CRYBB3: variants seen among roughly 807,000 people sequenced by gnomAD.
CRYBB3 encodes crystallin beta B3, also known as beta-crystallin B3.
CRYBB3 carries 35 observed loss-of-function variants against 28.3 expected under a neutral mutation model. That is an observed-to-expected ratio of 1.24 (90% CI 0.95 to 1.64). The LOEUF (loss-of-function observed/expected upper bound fraction) is 1.64, where lower values mean the gene tolerates loss of function less well. Among genes scored for constraint, CRYBB3 ranks in the 40% most tolerant of loss-of-function variants. The pLI, the probability that CRYBB3 is intolerant of heterozygous loss-of-function variation, is 0.00. For synonymous variants in CRYBB3, 106 were observed against 110.4 expected, an observed-to-expected ratio of 0.96 and a Z score of 0.25; for missense variants, 296 against 297.4, an observed-to-expected ratio of 1.00 and a Z score of 0.04.
At chr22:25,205,752 C>T (rs1392346866) in intron 5 of CRYBB3, among the ~76,000 whole-genome samples, 2 of 152,146 alleles carry the variant, frequency 1.3e-5, no homozygotes, top group East Asian at 1.9e-4. Context: ...AGCCACGGCG[C>T]CCGGCCATCG....
At chr22:25,203,633 G>A (rs1934983511) in intron 3 of CRYBB3, 130 bp from the exon 4 acceptor site, 8 of 1,011,016 alleles carry the variant, frequency 7.9e-6, no homozygotes, top group Non-Finnish European at 1.2e-5. Context: ...ACAGGTCCAG[G>A]AATTAGCAGT....
rs1201272266 is a variant in CRYBB3, at chr22:25,202,539, G to A, written c.76-135G>A. On this transcript the variant is annotated intron_variant, in intron 2 of 5. Transcript: ENST00000215855. ...CCATGACCATTAGAGGGCAGTGCAGGCCCACCTCAGTGCCAGCTCCAGGCT... is the reference window on the plus strand; with the variant it reads ...CCATGACCATTAGAGGGCAGTGCAGACCCACCTCAGTGCCAGCTCCAGGCT... The A allele has an allele frequency of 2.6e-6, 4 of 1,553,020 alleles. No individual in the cohort carries two copies. The African/African-American group carries it at 4.1e-5, about 16-fold the overall frequency.
chr22:25,204,358 C>G (rs965306735), intron 4 of CRYBB3, among the ~76,000 whole-genome samples: 2 of 152,184 alleles, frequency 1.3e-5, no homozygotes, highest in African/African-American at 4.8e-5. Context: ...GACTCCTGCT[C>G]TGTCACCCAT....
At chr22:25,205,085 C>A (rs1935007971) in intron 4 of CRYBB3, 135 bp from the exon 5 acceptor site, 3 of 1,158,390 alleles carry the variant, frequency 2.6e-6, no homozygotes, top group African/African-American at 3.0e-5. Context: ...TCTCCTGAGG[C>A]CCTTCCCTCC....
At chr22:25,202,467 A>G (rs1934964244) in intron 2 of CRYBB3, among the ~76,000 whole-genome samples, 1 of 152,168 alleles carries the variant, frequency 6.6e-6, no homozygotes, top group East Asian at 1.9e-4. Flanking sequence ...CAGAGTTGCA[A>G]TCACTAGTTT....
At position 25,201,236 on chromosome 22, in the gene CRYBB3, GCTGAATGA is replaced by G. The variant is rs1281287207; in HGVS notation, c.-20-133_-20-126del. The G allele has an allele frequency of 7.4e-6, 11 of 1,481,504 alleles. No individual in the cohort carries two copies. The East Asian group carries it at 2.7e-4, about 36-fold the overall frequency. 91.8% of individuals were successfully genotyped at this position (1,481,504 alleles called of 1,614,324 possible). On this transcript the variant is annotated intron_variant, in intron 1 of 5. Coordinates refer to ENST00000215855, the MANE Select transcript of CRYBB3 (RefSeq NM_004076.5). ...CATGGCAGGTGCTCAATGGATGTTTGCTGAATGACTGAATGTCGATCATAAGTTACAGC... is the reference window on the plus strand; with the variant it reads ...CATGGCAGGTGCTCAATGGATGTTTGCTGAATGTCGATCATAAGTTACAGC...
chr22:25,203,245 C>T (rs754454772), intron 3 of CRYBB3, among the ~76,000 whole-genome samples: 9 of 152,126 alleles, frequency 5.9e-5, no homozygotes, highest in Non-Finnish European at 8.8e-5. Context: ...CCTGAATTCC[C>T]GCCTTTGGAT....
intron 3 of CRYBB3, among the ~76,000 whole-genome samples, chr22:25,203,099 C>T (rs1339986775): frequency 6.6e-6 from 1 of 152,176 alleles, no homozygotes; most frequent in African/African-American, 2.4e-5. Context: ...ATTTAACATG[C>T]ATTATGTCAT....
chr22:25,205,432 G>C, intron 5 of CRYBB3, 70 bp downstream of exon 5: 1 of 1,518,672 alleles, frequency 6.6e-7, no homozygotes. Flanking sequence ...AACAGAATCA[G>C]TGCCCATAGT....
rs1935050484 is a variant in CRYBB3 at position 25,207,165 on chromosome 22, A to T, written c.589A>T (p.Ile197Phe). The change falls in exon 6 of 6, where the codon ATC becomes TTC. Residue 197 changes from isoleucine to phenylalanine, a missense_variant. Ile to Phe is a conservative substitution (Grantham distance 21, BLOSUM62 0). Transcript: ENST00000215855. Reference sequence around the variant, plus strand: ...GCCGCAGCTGCAGTCTGTGCGCCGCATCCGTGACCAGAAGTGGCACAAGCG... The same window carrying T: ...GCCGCAGCTGCAGTCTGTGCGCCGCTTCCGTGACCAGAAGTGGCACAAGCG... ...SQPQLQSVRRIRDQKWHKRGR... is the reference protein window; with the variant it reads ...SQPQLQSVRRFRDQKWHKRGR... 1.2e-6 allele frequency: 2 copies of T among 1,613,630 alleles called. No homozygotes were observed. The highest frequency in any genetic ancestry group is 2.2e-5 in the East Asian group (1 of 44,872).
At chr22:25,203,920 T>C (rs1284305109) in intron 4 of CRYBB3, 25 bp downstream of exon 4, 32 of 1,613,836 alleles carry the variant, frequency 2.0e-5, no homozygotes, top group Non-Finnish European at 2.6e-5. Flanking sequence ...TGCTCACTTC[T>C]GGGTGTTCCT....
rs1046836157 is a variant in CRYBB3, at chr22:25,205,306, C to A, written c.414C>A (p.Ser138Arg). 6.2e-7 allele frequency: 1 copy of A among 1,614,138 alleles called. No homozygotes were observed. Among genetic ancestry groups the A allele is most frequent in the Non-Finnish European group, 8.5e-7 (1 of 1,180,030 alleles). ...KMEIVDDDVP[S>R]LWAHGFQDRV... The stretch of plus-strand genomic sequence containing the variant: ...AGATAGTGGATGATGACGTGCCCAG[C>A]CTGTGGGCTCATGGCTTCCAGGACC... The change falls in exon 5 of 6, where the codon AGC becomes AGA. Residue 138 changes from serine (S) to arginine (R), a missense_variant. Ser to Arg is a moderately radical substitution (Grantham distance 110). Transcript: ENST00000215855.
intron 4 of CRYBB3, 95 bp downstream of exon 4, chr22:25,203,990 T>C: frequency 6.6e-7 from 1 of 1,509,934 alleles, no homozygotes; most frequent in South Asian, 1.1e-5. Flanking sequence ...GGCTGAGGGT[T>C]TGGCCCATAT....
At chr22:25,203,232 G>A (rs1934978124) in intron 3 of CRYBB3, among the ~76,000 whole-genome samples, 1 of 152,096 alleles carries the variant, frequency 6.6e-6, no homozygotes, top group Non-Finnish European at 1.5e-5. Context: ...CTCCCAGCTG[G>A]GCCCTGAATT....
intron 4 of CRYBB3, 51 bp downstream of exon 4, chr22:25,203,946 T>G (rs1934990385): frequency 1.2e-6 from 2 of 1,612,372 alleles, no homozygotes; most frequent in African/African-American, 2.7e-5. Flanking sequence ...CAGGGTGCAC[T>G]GAGAGCTGGT....
At chr22:25,200,957 A>G (rs933199037) in intron 1 of CRYBB3, among the ~76,000 whole-genome samples, 2 of 152,088 alleles carry the variant, frequency 1.3e-5, no homozygotes, top group African/African-American at 4.8e-5. Context: ...GGTGGGAGAG[A>G]CCCCTGTAGA....
At chr22:25,205,156 G>A (rs891778087) in intron 4 of CRYBB3, 64 bp from the exon 5 acceptor site, 141 of 1,606,686 alleles carry the variant, frequency 8.8e-5, no homozygotes, top group Non-Finnish European at 1.1e-4. Flanking sequence ...TCCGGCATCT[G>A]GAGCCTCCTT....
chr22:25,206,971 T>G, intron 5 of CRYBB3, 76 bp from the exon 6 acceptor site: 1 of 1,082,928 alleles, frequency 9.2e-7, no homozygotes, highest in Non-Finnish European at 1.4e-6. Context: ...GCAGGCAGAG[T>G]GCATGGTCAG....
At chr22:25,204,448 C>G (rs946326373) in intron 4 of CRYBB3, among the ~76,000 whole-genome samples, 2 of 152,068 alleles carry the variant, frequency 1.3e-5, no homozygotes, top group African/African-American at 4.8e-5. Flanking sequence ...GTTGCAGTCT[C>G]GCTCTGTCAC....
Sources: allele counts gnomAD v4.1 joint callset (sites outside exome capture counted in the v4.1 genomes callset), GRCh38; gene constraint gnomAD v4.1.1; transcripts MANE v1.5; gene names NCBI Gene and HGNC (gene_info 2026-07-23, HGNC 2026-07-21).